THSD7B: variants seen among roughly 807,000 people sequenced by gnomAD.
THSD7B encodes the protein thrombospondin type 1 domain containing 7B, also known as thrombospondin type-1 domain-containing protein 7B.
A neutral mutation model predicts 213.6 loss-of-function variants in THSD7B; 138 were observed. That is an observed-to-expected ratio of 0.65 (90% CI 0.56 to 0.74). THSD7B has a LOEUF of 0.74. Ranked by LOEUF, THSD7B falls within the 30% of genes least tolerant of loss-of-function variation. The pLI, the probability that THSD7B is intolerant of heterozygous loss-of-function variation, is 0.00. For synonymous variants in THSD7B, 742 were observed against 687.0 expected (o/e 1.08, Z -1.25); for missense variants, 1,931 against 1,991.5 (o/e 0.97, Z 0.58).
chr2:137,278,151 T>C (rs1283079337), intron 12 of THSD7B, among the ~76,000 whole-genome samples: 1 of 151,978 alleles, frequency 6.6e-6, no homozygotes, highest in African/African-American at 2.4e-5. Context: ...GAAATGAGAA[T>C]ATAAAGGGGA....
intron 12 of THSD7B, among the ~76,000 whole-genome samples, chr2:137,396,613 T>A (rs867786757): frequency 0.011 from 1,497 of 138,798 alleles, 12 homozygotes; most frequent in Admixed American, 0.018. Flanking sequence ...ATAGGTGTGG[T>A]GTGGTGCTGA....
At chr2:137,468,060 A>C (rs1688026392) in intron 15 of THSD7B, among the ~76,000 whole-genome samples, 1 of 152,218 alleles carries the variant, frequency 6.6e-6, no homozygotes, top group Non-Finnish European at 1.5e-5. Flanking sequence ...TATTTTCTAT[A>C]GATTTCTCCA....
In THSD7B at chr2:137,620,791, A is replaced by C. The variant is rs564349457; in HGVS notation, c.3799+65A>C. 2.1e-5 allele frequency: 29 copies of C among 1,349,314 alleles called. No individual in the cohort carries two copies. The African/African-American group carries it at 3.8e-4, about 17-fold the overall frequency. The allele number at this position is 1,349,314 out of a possible 1,614,324, so 83.6% of individuals were successfully genotyped here. A position where few individuals can be genotyped will look rare whatever the true frequency, so the allele number is the denominator to read the frequency against. ...TTCTAAATATCATTCAGTATGCCAT[A>C]GCTTGATAAATGGCATAAGGTATGG... On this transcript the variant is annotated intron_variant, in intron 20 of 27. Coordinates refer to ENST00000409968, the MANE Select transcript of THSD7B (RefSeq NM_001316349.2).
intron 5 of THSD7B, among the ~76,000 whole-genome samples, chr2:137,144,940 A>C (rs572028186): frequency 3.6e-4 from 55 of 152,172 alleles, no homozygotes; most frequent in African/African-American, 1.2e-3. Flanking sequence ...AAGTGATATG[A>C]TCACTCTAGA....
At chr2:136,815,921 G>C (rs748030291) in intron 1 of THSD7B, among the ~76,000 whole-genome samples, 33 of 152,106 alleles carry the variant, frequency 2.2e-4, no homozygotes, top group Admixed American at 4.6e-4. Context: ...GTCTCACTCT[G>C]TCTCCCAGGC....
At chr2:137,544,279 T>C (rs1217851905) in intron 15 of THSD7B, among the ~76,000 whole-genome samples, 2 of 151,580 alleles carry the variant, frequency 1.3e-5, no homozygotes, top group African/African-American at 4.8e-5. Context: ...CTACAAAAAA[T>C]AATGAAATAT....
intron 1 of THSD7B, among the ~76,000 whole-genome samples, chr2:136,824,141 T>C (rs1301197996): frequency 6.6e-6 from 1 of 152,134 alleles, no homozygotes; most frequent in Admixed American, 6.5e-5. Flanking sequence ...CAGTACATAG[T>C]GTAGCCAAGA....
Position 137,273,025 on chromosome 2 carries a change from T to TACACAC in THSD7B, c.2396+403_2396+408dup, listed in dbSNP as rs71877881. On this transcript the variant is annotated intron_variant, in intron 11 of 27. Transcript: ENST00000409968. ...CACACCACACACACGGGAGAAGGAA[T>TACACAC]ACACACACACACACACACACACACA... Among the ~76,000 whole-genome samples the TACACAC allele has an allele frequency of 4.1e-4, 58 of 141,064 alleles. 1 individual carries two copies. The highest frequency in any genetic ancestry group is 1.2e-3 in the African/African-American group (47 of 38,196). 92.5% of individuals were successfully genotyped at this position (141,064 alleles called of 152,430 possible).
At chr2:137,131,135 G>T (rs1279897362) in intron 5 of THSD7B, among the ~76,000 whole-genome samples, 1 of 139,254 alleles carries the variant, frequency 7.2e-6, no homozygotes, top group Non-Finnish European at 1.6e-5. Context: ...GCCAGTGATG[G>T]TGAGCATTTT....
intron 7 of THSD7B, among the ~76,000 whole-genome samples, chr2:137,178,702 G>C (rs1279412897): frequency 6.6e-6 from 1 of 152,148 alleles, no homozygotes; most frequent in Non-Finnish European, 1.5e-5. Context: ...ATGTAAACTG[G>C]TGAATCAATT....
At chr2:137,173,936 T>C (rs1680314020) in intron 7 of THSD7B, among the ~76,000 whole-genome samples, 1 of 152,202 alleles carries the variant, frequency 6.6e-6, no homozygotes, top group Non-Finnish European at 1.5e-5. Flanking sequence ...ACAGTGTCCT[T>C]TGATTTCCTT....
intron 12 of THSD7B, among the ~76,000 whole-genome samples, chr2:137,395,038 C>T (rs1332189236): frequency 2.1e-5 from 3 of 142,220 alleles, no homozygotes; most frequent in African/African-American, 7.8e-5. Flanking sequence ...GCTGAAGTTG[C>T]TTATCAGCTT....
intron 1 of THSD7B, among the ~76,000 whole-genome samples, chr2:136,776,529 G>T (rs1288966578): frequency 1.3e-5 from 2 of 152,114 alleles, no homozygotes; most frequent in Non-Finnish European, 2.9e-5. Flanking sequence ...AATAAAGAGA[G>T]ACTCAAATCC....
At chr2:136,856,590 C>G (rs1390724807) in intron 1 of THSD7B, among the ~76,000 whole-genome samples, 9 of 151,702 alleles carry the variant, frequency 5.9e-5, no homozygotes, top group African/African-American at 9.7e-5. Context: ...CTCAGCTCAC[C>G]AAAACCTCTG....
At chr2:137,139,613 C>G (rs1231761144) in intron 5 of THSD7B, among the ~76,000 whole-genome samples, 1 of 152,134 alleles carries the variant, frequency 6.6e-6, no homozygotes, top group Non-Finnish European at 1.5e-5. Flanking sequence ...ACTCTCCACA[C>G]CAAGCCCTTA....
chr2:136,885,300 A>G (rs1464577324), intron 2 of THSD7B, among the ~76,000 whole-genome samples: 1 of 151,512 alleles, frequency 6.6e-6, no homozygotes, highest in Admixed American at 6.6e-5. Flanking sequence ...CATCCAAATT[A>G]CAGGCATTTC....
intron 15 of THSD7B, among the ~76,000 whole-genome samples, chr2:137,528,863 T>C (rs921641775): frequency 6.6e-6 from 1 of 152,214 alleles, no homozygotes; most frequent in East Asian, 1.9e-4. Context: ...GAGAACACAC[T>C]GATTGGCATG....
chr2:137,391,030 A>T (rs1686013270), intron 12 of THSD7B, among the ~76,000 whole-genome samples: 1 of 151,720 alleles, frequency 6.6e-6, no homozygotes, highest in Non-Finnish European at 1.5e-5. Context: ...ATTCAGGAGG[A>T]TTAATATCAG....
At chr2:136,775,100 CTT>C (rs1273573877) in intron 1 of THSD7B, among the ~76,000 whole-genome samples, 1 of 152,126 alleles carries the variant, frequency 6.6e-6, no homozygotes, top group Non-Finnish European at 1.5e-5. Flanking sequence ...AGCCAGATCA[CTT>C]TATTTATATA....
Sources: gnomAD v4.1 joint callset for allele counts (sites outside exome capture counted in the v4.1 genomes callset) on GRCh38, gnomAD v4.1.1 for gene constraint, MANE v1.5 for transcripts, NCBI Gene and HGNC (gene_info 2026-07-23, HGNC 2026-07-21) for gene names.